The following KANSL1L variants were observed in gnomAD, a reference collection of about 807,000 sequenced individuals.
KANSL1L encodes KAT8 regulatory NSL complex subunit 1 like.
In KANSL1L, 25 loss-of-function variants were observed where a neutral mutation model predicts 108.6. The ratio of observed to expected loss-of-function variants is 0.23; its 90% CI spans 0.17 to 0.32. KANSL1L has a LOEUF of 0.32. Ranked by LOEUF, KANSL1L falls within the 10% of genes least tolerant of loss-of-function variation. The pLI, the probability that KANSL1L is intolerant of heterozygous loss-of-function variation, is 1.00. For missense variants in KANSL1L, 1,137 were observed against 1,125.7 expected (o/e 1.01, Z -0.14); for synonymous variants, 405 against 395.1 (o/e 1.03, Z -0.30).
At chr2:210,127,223 G>A (rs909274173) in intron 3 of KANSL1L, among the ~76,000 whole-genome samples, 4 of 152,052 alleles carry the variant, frequency 2.6e-5, no homozygotes, top group Non-Finnish European at 5.9e-5. Context: ...TTTCAACCAG[G>A]TAAAACTGAA....
At chr2:210,172,504 A>G (rs1219622141), upstream of KANSL1L, among the ~76,000 whole-genome samples, 3 of 152,230 alleles carry the variant, frequency 2.0e-5, no homozygotes, top group African/African-American at 4.8e-5. Flanking sequence ...CTTCTAGTAG[A>G]TTGTGATATT....
intron 3 of KANSL1L, among the ~76,000 whole-genome samples, chr2:210,115,639 T>G (rs2125482234): frequency 6.6e-6 from 1 of 152,316 alleles, no homozygotes; most frequent in Non-Finnish European, 1.5e-5. Flanking sequence ...ACAGATGACC[T>G]TACTGACATC....
In KANSL1L at chr2:210,109,023, G is replaced by A. The variant is rs532648832; in HGVS notation, c.1231-4722C>T. Among the ~76,000 whole-genome samples, 16 of 151,846 alleles carry A rather than the reference G, an allele frequency of 1.1e-4. No homozygotes were observed. The South Asian group carries it at 3.1e-3, about 30-fold the overall frequency. The stretch of plus-strand genomic sequence containing the variant: ...TCACACCTTCAAACCTGTAAAAAAC[G>A]CCTTTTTCTAGTTCCATTGGTTCAT... On this transcript the variant is annotated intron_variant, in intron 3 of 14. Transcript: ENST00000281772.
At chr2:210,073,135 T>C (rs1002654170) in intron 6 of KANSL1L, among the ~76,000 whole-genome samples, 1 of 152,126 alleles carries the variant, frequency 6.6e-6, no homozygotes, top group African/African-American at 2.4e-5. Flanking sequence ...TCAACATGTC[T>C]TTATCATTTT....
intron 5 of KANSL1L, among the ~76,000 whole-genome samples, chr2:210,079,646 A>ATATATATGTATGTG (rs1559539669): frequency 0.11 from 1,404 of 12,922 alleles, 152 homozygotes; most frequent in Non-Finnish European, 0.15. Context: ...ATATATATAT[A>ATATATATGTATGTG]TATATATATA....
At chr2:210,032,206 G>T (rs1285217396) in intron 8 of KANSL1L, 1 of 152,152 alleles carries the variant, frequency 6.6e-6, no homozygotes, top group African/African-American at 2.4e-5. Flanking sequence ...TATGTAAGCT[G>T]AAGTGCCAAA....
Position 210,023,036 on chromosome 2 carries a change from A to G in KANSL1L, c.2877T>C (p.Asn959=), listed in dbSNP as rs368057836. The stretch of plus-strand genomic sequence containing the variant: ...CTGACTGCTTTTTTGGATGGTGGCC[A>G]TTCTCTGGTACACTGGTACCGAAGA... ...GEIFGTSVPE[N]GHHPKKQSDG... The change falls in exon 15 of 15, where the codon AAT becomes AAC. Residue 959 remains asparagine, a synonymous_variant. Transcript: ENST00000281772. 7 of 1,613,928 alleles carry G rather than the reference A, an allele frequency of 4.3e-6. No individual in the cohort carries two copies. Among genetic ancestry groups the G allele is most frequent in the Middle Eastern group, 3.3e-4 (2 of 6,060 alleles).
intron 2 of KANSL1L, among the ~76,000 whole-genome samples, chr2:210,141,749 G>C (rs148820777): frequency 6.6e-6 from 1 of 152,086 alleles, no homozygotes; most frequent in Admixed American, 6.6e-5. Context: ...ACATTCCTTC[G>C]ATACCTAATC....
At chr2:210,098,556 A>G (rs747453887) in intron 4 of KANSL1L, among the ~76,000 whole-genome samples, 42 of 152,292 alleles carry the variant, frequency 2.8e-4, no homozygotes, top group Non-Finnish European at 4.7e-4. Context: ...TTAAGTGCCT[A>G]CTATGTGCCA....
chr2:210,108,134 T>C (rs1375340171), intron 3 of KANSL1L, among the ~76,000 whole-genome samples: 1 of 152,200 alleles, frequency 6.6e-6, no homozygotes, highest in Non-Finnish European at 1.5e-5. Flanking sequence ...TTTTCTTATA[T>C]AATAACATTT....
At chr2:210,166,935 A>G (rs1484469936) in intron 1 of KANSL1L, among the ~76,000 whole-genome samples, 2 of 152,038 alleles carry the variant, frequency 1.3e-5, no homozygotes, top group Non-Finnish European at 2.9e-5. Context: ...AAGTTTTTAA[A>G]CATTATCTCT....
chr2:210,023,173 A>C lies in KANSL1L; in HGVS notation c.2740T>G (p.Trp914Gly). 1.2e-6 allele frequency: 2 copies of C among 1,613,538 alleles called. No homozygotes were observed. Among genetic ancestry groups the C allele is most frequent in the Non-Finnish European group, 1.7e-6 (2 of 1,179,630 alleles). ...AGTGGAAAAGCCCGTCGTTCCCACC[A>C]CAAAGACTGAAAGGGGAAAAATTTT... ...LNQSQETKSL[W>G]WERRAFPLKG... The change falls in exon 15 of 15, where the codon TGG (tryptophan) becomes GGG (glycine). Residue 914 changes from tryptophan to glycine, a missense_variant. Trp to Gly is a radical substitution (Grantham distance 184). Transcript: ENST00000281772.
At position 210,022,727 on chromosome 2, in the gene KANSL1L, A is replaced by C. The variant is rs2093878054; in HGVS notation, c.*222T>G. The stretch of plus-strand genomic sequence containing the variant: ...ATCTTGGTGTTTGTAAGTAAGTTGC[A>C]TGATAAACACAAATGACTACCACTT... On this transcript the variant is annotated 3_prime_UTR_variant, in exon 15 of 15. Coordinates refer to ENST00000281772, the MANE Select transcript of KANSL1L (RefSeq NM_152519.4). The C allele has an allele frequency of 2.0e-6, 1 of 509,222 alleles. No individual in the cohort carries two copies. The highest frequency in any genetic ancestry group is 3.5e-6 in the Non-Finnish European group (1 of 285,150). The allele number at this position is 509,222 out of a possible 1,614,324, so 31.5% of individuals were successfully genotyped here. A position where few individuals can be genotyped will look rare whatever the true frequency, so the allele number is the denominator to read the frequency against.
intron 1 of KANSL1L, among the ~76,000 whole-genome samples, chr2:210,163,503 A>G (rs1412394515): frequency 6.6e-6 from 1 of 151,954 alleles, no homozygotes; most frequent in Non-Finnish European, 1.5e-5. Context: ...GGAAGAAGAG[A>G]CTATCCAACC....
rs371480466 is a variant in KANSL1L at position 210,075,682 on chromosome 2, C to A, written c.1625G>T (p.Arg542Ile). ...LLNQKHSKKK[R>I]KDRTRLKSSS... ...AGATTTCAGTCTTGTCCTGTCTTTTCTCTTTTTCTTACTGTGCTTCTGGTT... is the reference window on the plus strand; with the variant it reads ...AGATTTCAGTCTTGTCCTGTCTTTTATCTTTTTCTTACTGTGCTTCTGGTT... The change falls in exon 6 of 15, where the codon AGA becomes ATA. Residue 542 changes from arginine (R) to isoleucine (I), a missense_variant. By Grantham distance (97) the Arg-to-Ile change is moderately conservative. Transcript: ENST00000281772. 1.2e-6 allele frequency: 2 copies of A among 1,613,826 alleles called. No individual in the cohort carries two copies. The highest frequency in any genetic ancestry group is 2.7e-5 in the African/African-American group (2 of 74,912).
chr2:210,063,463 G>C (rs920840016), intron 6 of KANSL1L, among the ~76,000 whole-genome samples: 1 of 152,330 alleles, frequency 6.6e-6, no homozygotes, highest in South Asian at 2.1e-4. Context: ...AGCTTGCACT[G>C]TGTGCCCGGA....
intron 6 of KANSL1L, among the ~76,000 whole-genome samples, chr2:210,063,112 T>A (rs915601902): frequency 6.6e-6 from 1 of 152,170 alleles, no homozygotes; most frequent in Non-Finnish European, 1.5e-5. Flanking sequence ...GCTGCTCCAG[T>A]CATGGCTGAA....
intron 2 of KANSL1L, among the ~76,000 whole-genome samples, chr2:210,147,540 C>T (rs923642291): frequency 2.0e-5 from 3 of 152,170 alleles, no homozygotes; most frequent in Admixed American, 2.0e-4. Flanking sequence ...CTGCCCTTTA[C>T]TTCCATTCCA....
At chr2:210,082,552 G>A (rs1376489788) in intron 5 of KANSL1L, among the ~76,000 whole-genome samples, 6 of 152,114 alleles carry the variant, frequency 3.9e-5, no homozygotes, top group Non-Finnish European at 7.4e-5. Flanking sequence ...ATACTTTATG[G>A]AAAAATAGAC....
Sources: gnomAD v4.1 joint callset for allele counts (sites outside exome capture counted in the v4.1 genomes callset) on GRCh38, gnomAD v4.1.1 for gene constraint, MANE v1.5 for transcripts, NCBI Gene and HGNC (gene_info 2026-07-23, HGNC 2026-07-21) for gene names.